The following WDR73 variants were observed in gnomAD, a reference collection of about 807,000 sequenced individuals.
WDR73 encodes the protein integrator complex assembly factor WDR73.
A neutral mutation model predicts 38.2 loss-of-function variants in WDR73; 30 were observed. The ratio of observed to expected loss-of-function variants is 0.79; its 90% CI spans 0.59 to 1.06. The LOEUF (loss-of-function observed/expected upper bound fraction) is 1.06. Ranked by LOEUF, WDR73 falls within the 50% of genes least tolerant of loss-of-function variation. The pLI, the probability that WDR73 is intolerant of heterozygous loss-of-function variation, is 0.00. For synonymous variants in WDR73, 197 were observed against 176.0 expected, an observed-to-expected ratio of 1.12 and a Z score of -0.94; for missense variants, 487 against 467.0, an observed-to-expected ratio of 1.04 and a Z score of -0.40.
intron 5 of WDR73, chr15:84,646,584 G>A: frequency 2.0e-6 from 1 of 507,624 alleles, no homozygotes; most frequent in Non-Finnish European, 3.1e-6. Context: ...GCAAATGGAA[G>A]ACAATGCCAT....
At chr15:84,649,479 CTT>C (rs1038055840) in intron 3 of WDR73, among the ~76,000 whole-genome samples, 1 of 142,512 alleles carries the variant, frequency 7.0e-6, no homozygotes, top group Non-Finnish European at 1.5e-5. Flanking sequence ...TTTTTTTTAA[CTT>C]TTTTTTGAGA....
At chr15:84,649,628 C>A (rs999233887) in intron 3 of WDR73, among the ~76,000 whole-genome samples, 2 of 152,060 alleles carry the variant, frequency 1.3e-5, no homozygotes, top group Non-Finnish European at 2.9e-5. Context: ...CACCACCACA[C>A]CCAGTTAATT....
chr15:84,654,262 C>G lies in WDR73; in HGVS notation c.13G>C (p.Asp5His). MDPG[D>H]DWLVESLRLY... ...CGCAAGGATTCCACCAGCCAGTCGT[C>G]CCCAGGATCCATGGCAACGACCGCT... Residue 5 changes from aspartate (D) to histidine (H), a missense_variant, in exon 1 of 8, where the codon GAC becomes CAC. Coordinates refer to ENST00000434634, the MANE Select transcript of WDR73 (RefSeq NM_032856.5). 6.2e-7 allele frequency: 1 copy of G among 1,613,968 alleles called. No homozygotes were observed. The highest frequency in any genetic ancestry group is 8.5e-7 in the Non-Finnish European group (1 of 1,179,830).
At position 84,652,428 on chromosome 15, in the gene WDR73, T is replaced by C. The variant is rs7180849; in HGVS notation, c.198+286A>G. Among the ~76,000 whole-genome samples, 132,686 of 152,150 alleles carry C rather than the reference T, an allele frequency of 0.87. 58,089 individuals carry two copies. The highest frequency in any genetic ancestry group is 0.95 in the African/African-American group (39,467 of 41,516). On this transcript the variant is annotated intron_variant, in intron 3 of 7. Transcript: ENST00000434634. ...CCACACATTCACTAGGTGACTTTAA[T>C]CACTCTACGCATTTCGACCGCCCTC... is the stretch of plus-strand genomic sequence containing the variant.
At chr15:84,649,778 C>G (rs1409857722) in intron 3 of WDR73, among the ~76,000 whole-genome samples, 1 of 151,930 alleles carries the variant, frequency 6.6e-6, no homozygotes, top group Non-Finnish European at 1.5e-5. Flanking sequence ...TCTTTTTTAA[C>G]TTTTTAAATT....
Position 84,645,794 on chromosome 15 carries a change from T to C in WDR73, c.560A>G (p.Asp187Gly), listed in dbSNP as rs377545670. Residue 187 changes from aspartate (D) to glycine (G), a missense_variant, in exon 7 of 8, where the codon GAT becomes GGT. Transcript: ENST00000434634. ...SEELSSLQVL[D>G]ADTFAFCCAS... ...ACAGCAGAAGGCAAAGGTGTCTGCATCTAGGACCTGCAGGCTACTCAGCTC... is the reference window on the plus strand; with the variant it reads ...ACAGCAGAAGGCAAAGGTGTCTGCACCTAGGACCTGCAGGCTACTCAGCTC... The C allele has an allele frequency of 2.5e-6, 4 of 1,613,620 alleles. No homozygotes were observed. The African/African-American group carries it at 5.3e-5, about 22-fold the overall frequency.
At position 84,646,285 on chromosome 15, in the gene WDR73, A is replaced by G. The variant is rs1379026008; in HGVS notation, c.416T>C (p.Val139Ala). The change falls in exon 6 of 8, where the codon GTG (valine) becomes GCG (alanine). Residue 139 changes from valine to alanine, a missense_variant. Physicochemically the swap from Val to Ala is moderately conservative, Grantham distance 64. Transcript: ENST00000434634. ...HEKEESLWPR[V>A]AVFSTLAPGV... ...GGGTGCCAATGTGGAGAAGACGGCC[A>G]CCCTAGGCCAGAGACTCTCCTCTTT... The G allele has an allele frequency of 6.2e-7, 1 of 1,613,926 alleles. No homozygotes were observed. Among genetic ancestry groups the G allele is most frequent in the East Asian group, 2.2e-5 (1 of 44,884 alleles).
In WDR73 at chr15:84,644,936, CTGCT is replaced by C. The variant is rs1896396910; in HGVS notation, c.883+531_883+534del. The C allele has an allele frequency of 2.2e-5, 3 of 137,820 alleles. No individual in the cohort carries two copies. In the South Asian group the frequency reaches 6.1e-4, roughly 28 times the overall value. The allele number at this position is 137,820 out of a possible 1,614,324, so 8.5% of individuals were successfully genotyped here. On this transcript the variant is annotated intron_variant, in intron 7 of 7. Coordinates refer to ENST00000434634, the MANE Select transcript of WDR73 (RefSeq NM_032856.5). ...AAGTACCCTTGAGGTGCTGTCCCTG[CTGCT>C]TTTTTTTTTTTTTTCTTTTTTTTTC...
intron 5 of WDR73, 35 bp from the exon 6 acceptor site, chr15:84,646,383 T>G: frequency 6.3e-7 from 1 of 1,585,094 alleles, no homozygotes; most frequent in South Asian, 1.1e-5. Context: ...ATCCAGAACT[T>G]TAATGAAGGT....
At chr15:84,653,566 C>A in intron 2 of WDR73, 66 bp downstream of exon 2, 1 of 1,332,904 alleles carries the variant, frequency 7.5e-7, no homozygotes, top group South Asian at 1.3e-5. Context: ...TCCCTCTAGG[C>A]TTAGCTCCTG....
chr15:84,645,343 T>C, intron 7 of WDR73, 128 bp downstream of exon 7: 2 of 1,538,580 alleles, frequency 1.3e-6, no homozygotes, highest in Non-Finnish European at 1.8e-6. Flanking sequence ...AGAGTTCGAA[T>C]TTCTCTGTGA....
chr15:84,645,297 C>T, intron 7 of WDR73, 174 bp downstream of exon 7: 1 of 1,506,038 alleles, frequency 6.6e-7, no homozygotes, highest in South Asian at 1.2e-5. Context: ...AGTTTAGTAG[C>T]CAGGGTAGGA....
intron 2 of WDR73, 157 bp downstream of exon 2, chr15:84,653,475 T>G (rs562062787): frequency 8.5e-6 from 5 of 590,522 alleles, no homozygotes; most frequent in South Asian, 7.7e-5. Context: ...CGGTCAGAGA[T>G]CTTAATAAGA....
chr15:84,645,433 G>A, intron 7 of WDR73, 38 bp downstream of exon 7: 2 of 1,607,666 alleles, frequency 1.2e-6, no homozygotes, highest in South Asian at 2.2e-5. Flanking sequence ...CTGGAAGAAA[G>A]AGATCAGATA....
chr15:84,648,124 C>G, intron 4 of WDR73, 170 bp from the exon 5 acceptor site: 2 of 663,762 alleles, frequency 3.0e-6, no homozygotes, highest in Non-Finnish European at 5.4e-6. Context: ...CAGGCTCAAT[C>G]AACTTTAGGG....
In WDR73 at chr15:84,641,231, C is replaced by T. The variant is rs1432697389; in HGVS notation, c.*2239G>A. On this transcript the variant is annotated 3_prime_UTR_variant, in exon 8 of 8. Coordinates refer to ENST00000434634, the MANE Select transcript of WDR73 (RefSeq NM_032856.5). ...AGCTTTGGAATGAAGATCTCCCGGA[C>T]TTCAAGGAGATTCAGAAAACGTCCA... The T allele has an allele frequency of 1.3e-5, 2 of 150,812 alleles. No individual in the cohort carries two copies. Among genetic ancestry groups the T allele is most frequent in the Non-Finnish European group, 2.9e-5 (2 of 68,048 alleles). The allele number at this position is 150,812 out of a possible 1,614,324, so 9.3% of individuals were successfully genotyped here.
chr15:84,650,985 C>G (rs1247666122), intron 3 of WDR73, among the ~76,000 whole-genome samples: 4 of 152,038 alleles, frequency 2.6e-5, no homozygotes. Flanking sequence ...TGTGGTGGCA[C>G]ATGCCTGTGG....
intron 7 of WDR73, 172 bp from the exon 8 acceptor site, chr15:84,643,895 G>T: frequency 1.4e-6 from 1 of 711,570 alleles, no homozygotes. Context: ...GGGATTACAG[G>T]CACCCAGCCC....
intron 7 of WDR73, chr15:84,644,366 C>T (rs1345149233): frequency 6.6e-6 from 1 of 152,238 alleles, no homozygotes; most frequent in East Asian, 1.9e-4. Context: ...ACTGAAGAGC[C>T]AGCCCCTCTA....
Sources: gnomAD v4.1 joint callset for allele counts (sites outside exome capture counted in the v4.1 genomes callset) on GRCh38, gnomAD v4.1.1 for gene constraint, MANE v1.5 for transcripts, NCBI Gene and HGNC (gene_info 2026-07-23, HGNC 2026-07-21) for gene names.